The following GALM variants were observed in gnomAD, a reference collection of about 807,000 sequenced individuals.
GALM encodes aldose 1-epimerase.
In GALM, 43 loss-of-function variants were observed where a neutral mutation model predicts 37.4. The ratio of observed to expected loss-of-function variants is 1.15; its 90% CI spans 0.90 to 1.48. The LOEUF is 1.48. GALM is among the 40% of genes most tolerant of loss of function. GALM has a pLI of 0.00. For missense variants in GALM, 456 were observed against 419.1 expected (o/e 1.09, Z -0.77); for synonymous variants, 199 against 170.6 (o/e 1.17, Z -1.30).
intron 4 of GALM, among the ~76,000 whole-genome samples, chr2:38,704,123 G>A (rs1222062833): frequency 1.3e-5 from 2 of 151,700 alleles, no homozygotes; most frequent in Non-Finnish European, 2.9e-5. Flanking sequence ...CACAAAGGGG[G>A]TTTTCTTATC....
intron 4 of GALM, among the ~76,000 whole-genome samples, chr2:38,711,408 A>C (rs1205792296): frequency 6.6e-6 from 1 of 151,568 alleles, no homozygotes; most frequent in South Asian, 2.1e-4. Context: ...TGATCCGCCC[A>C]CCTCGGCTTC....
At chr2:38,705,493 G>A (rs982767408) in intron 4 of GALM, among the ~76,000 whole-genome samples, 9 of 152,206 alleles carry the variant, frequency 5.9e-5, no homozygotes, top group Non-Finnish European at 8.8e-5. Context: ...GACTGAAGGA[G>A]TGTAGAAGCC....
intron 4 of GALM, among the ~76,000 whole-genome samples, chr2:38,708,384 G>C (rs997988720): frequency 2.6e-5 from 4 of 152,110 alleles, no homozygotes; most frequent in African/African-American, 9.7e-5. Context: ...TTAGCACAGG[G>C]CCATGGAATC....
intron 2 of GALM, among the ~76,000 whole-genome samples, chr2:38,679,463 G>T (rs1665341381): frequency 6.6e-6 from 1 of 152,158 alleles, no homozygotes; most frequent in Non-Finnish European, 1.5e-5. Context: ...ATTTGTTGAA[G>T]CCACATGAAA....
At chr2:38,709,329 A>G (rs1390714848) in intron 4 of GALM, among the ~76,000 whole-genome samples, 16 of 152,132 alleles carry the variant, frequency 1.1e-4, no homozygotes, top group African/African-American at 3.4e-4. Context: ...TTTCTACTAG[A>G]CAGCAAATCC....
At chr2:38,732,284 C>T (rs1666624533) in intron 6 of GALM, among the ~76,000 whole-genome samples, 1 of 152,118 alleles carries the variant, frequency 6.6e-6, no homozygotes, top group African/African-American at 2.4e-5. Context: ...CTCAAAACCC[C>T]TGACCTCAGG....
chr2:38,720,424 A>G (rs1257057561), intron 4 of GALM, among the ~76,000 whole-genome samples: 1 of 150,238 alleles, frequency 6.7e-6, no homozygotes, highest in African/African-American at 2.4e-5. Context: ...TAAAAAAAAA[A>G]AAAAAAAAAA....
chr2:38,715,882 G>C (rs35682042), intron 4 of GALM, among the ~76,000 whole-genome samples: 89,146 of 152,102 alleles, frequency 0.59, 27,365 homozygotes, highest in East Asian at 0.88. Flanking sequence ...TCGCAATAAT[G>C]CTATGAGGTA....
intron 1 of GALM, among the ~76,000 whole-genome samples, chr2:38,666,761 C>T (rs574356073): frequency 6.6e-6 from 1 of 152,214 alleles, no homozygotes; most frequent in Non-Finnish European, 1.5e-5. Context: ...AATTCAAATA[C>T]TTGCCTCTTC....
chr2:38,703,063 TATATATATATATATATATATATATATATA>T (rs1391198362), intron 4 of GALM, among the ~76,000 whole-genome samples: 4 of 3,950 alleles, frequency 1.0e-3, no homozygotes, highest in South Asian at 6.8e-3. Flanking sequence ...TTTATATATA[TATATATATATATATATATATATATATATA>T]TTTTTTTTTT....
At chr2:38,686,976 T>C (rs1665553474) in intron 3 of GALM, among the ~76,000 whole-genome samples, 1 of 152,172 alleles carries the variant, frequency 6.6e-6, no homozygotes, top group African/African-American at 2.4e-5. Context: ...TCTAACACTA[T>C]TCAGCTCTGT....
intron 2 of GALM, among the ~76,000 whole-genome samples, chr2:38,679,590 A>G (rs760080593): frequency 6.6e-6 from 1 of 152,208 alleles, no homozygotes; most frequent in African/African-American, 2.4e-5. Flanking sequence ...TGAGCACTCA[A>G]CAAGTTGGAG....
In GALM at chr2:38,720,661, G is replaced by A. The variant is rs1005876336; in HGVS notation, c.635-8895G>A. Among the ~76,000 whole-genome samples, 3 of 152,298 alleles carry A rather than the reference G, an allele frequency of 2.0e-5. No individual in the cohort carries two copies. In the South Asian group the frequency reaches 6.2e-4, roughly 32 times the overall value. On this transcript the variant is annotated intron_variant, in intron 4 of 6. Coordinates refer to ENST00000272252, the MANE Select transcript of GALM (RefSeq NM_138801.3). ...GGCACATCTTGTCTCTGCACATGAT[G>A]TCTAGGGCCTCAGCTTAAAAGATTA...
chr2:38,720,980 A>G (rs1201974298), intron 4 of GALM, among the ~76,000 whole-genome samples: 1 of 152,236 alleles, frequency 6.6e-6, no homozygotes, highest in Non-Finnish European at 1.5e-5. Flanking sequence ...CAAGTTCAAA[A>G]GAGGAAACAC....
chr2:38,690,264 G>A (rs1665642160), intron 4 of GALM, among the ~76,000 whole-genome samples: 1 of 152,018 alleles, frequency 6.6e-6, no homozygotes, highest in South Asian at 2.1e-4. Flanking sequence ...TTGAGGCCAG[G>A]AGTTTGAGAT....
intron 4 of GALM, among the ~76,000 whole-genome samples, chr2:38,725,746 G>A (rs1465903589): frequency 6.6e-6 from 1 of 151,706 alleles, no homozygotes; most frequent in Non-Finnish European, 1.5e-5. Flanking sequence ...TTGAGACAGA[G>A]TCTCACTCTG....
At chr2:38,666,967 C>T (rs78064564) in intron 1 of GALM, among the ~76,000 whole-genome samples, 1,782 of 152,248 alleles carry the variant, frequency 0.012, 32 homozygotes, top group African/African-American at 0.039. Context: ...AATCCATGGG[C>T]AATTAGGATC....
chr2:38,680,208 G>T, intron 2 of GALM: 1 of 327,248 alleles, frequency 3.1e-6, no homozygotes, highest in South Asian at 2.3e-5. Context: ...TTTTCATAGA[G>T]ATGACATCTC....
Position 38,717,306 on chromosome 2 carries a change from A to AGTGTGTGT in GALM, c.635-12217_635-12210dup, listed in dbSNP as rs56902027. 5.0e-4 allele frequency among the ~76,000 whole-genome samples: 72 copies of AGTGTGTGT among 143,748 alleles called. 1 individual carries two copies. Among genetic ancestry groups the AGTGTGTGT allele is most frequent in the African/African-American group, 1.1e-3 (43 of 38,890 alleles). 94.3% of individuals were successfully genotyped at this position (143,748 alleles called of 152,430 possible). ...TAATACCTGGTCTCTGTATTAAGGGAGTGTGTGTGTGTGTGTGTGTGTGTG... is the reference window on the plus strand; with the variant it reads ...TAATACCTGGTCTCTGTATTAAGGGAGTGTGTGTGTGTGTGTGTGTGTGTGTGTGTGTG... On this transcript the variant is annotated intron_variant, in intron 4 of 6. Transcript: ENST00000272252.
Sources: gnomAD v4.1 joint callset for allele counts (sites outside exome capture counted in the v4.1 genomes callset) on GRCh38, gnomAD v4.1.1 for gene constraint, MANE v1.5 for transcripts, NCBI Gene and HGNC (gene_info 2026-07-23, HGNC 2026-07-21) for gene names.